The following NOL4 variants were observed in gnomAD, a reference collection of about 807,000 sequenced individuals.
NOL4 encodes nucleolar protein 4.
In NOL4, 17 loss-of-function variants were observed where a neutral mutation model predicts 75.9. The ratio of observed to expected loss-of-function variants is 0.22; its 90% confidence interval spans 0.15 to 0.34. The LOEUF (loss-of-function observed/expected upper bound fraction) is 0.34. Among genes scored for constraint, NOL4 ranks in the 10% least tolerant of loss-of-function variants. NOL4 has a pLI of 1.00. For synonymous variants in NOL4, 292 were observed against 289.9 expected (o/e 1.01, Z -0.07); for missense variants, 614 against 793.5 (o/e 0.77, Z 2.72).
chr18:34,154,258 T>G (rs533623306), intron 1 of NOL4, among the ~76,000 whole-genome samples: 6 of 152,094 alleles, frequency 3.9e-5, no homozygotes, highest in Admixed American at 6.6e-5. Context: ...GAAATATAAC[T>G]AAGACAAAAT....
chr18:34,025,342 A>G (rs116021502), intron 5 of NOL4, among the ~76,000 whole-genome samples: 1,772 of 152,248 alleles, frequency 0.012, 32 homozygotes, highest in African/African-American at 0.04. Context: ...CCTGGAAGAA[A>G]AGGCCTTTAC....
intron 9 of NOL4, among the ~76,000 whole-genome samples, chr18:33,936,711 C>T (rs149690089): frequency 2.6e-4 from 40 of 152,076 alleles, no homozygotes; most frequent in African/African-American, 7.0e-4. Flanking sequence ...TACAGAACTA[C>T]GAACTAATTT....
chr18:34,093,403 C>A, intron 5 of NOL4, 62 bp downstream of exon 5: 1 of 1,456,858 alleles, frequency 6.9e-7, no homozygotes, highest in Non-Finnish European at 9.2e-7. Flanking sequence ...TTGTTGTTTC[C>A]ATGCATTCTG....
intron 8 of NOL4, among the ~76,000 whole-genome samples, chr18:33,949,944 C>G (rs1173462738): frequency 9.2e-5 from 14 of 151,836 alleles, no homozygotes; most frequent in Admixed American, 9.2e-4. Flanking sequence ...AAATAACATG[C>G]TTTAATTTTA....
At chr18:33,979,997 G>T (rs1396017470) in intron 6 of NOL4, among the ~76,000 whole-genome samples, 1 of 152,020 alleles carries the variant, frequency 6.6e-6, no homozygotes, top group Admixed American at 6.6e-5. Flanking sequence ...CAAAACCAAT[G>T]TTTTTGGTGG....
At chr18:33,943,858 G>T (rs1159164467) in intron 8 of NOL4, among the ~76,000 whole-genome samples, 1 of 151,744 alleles carries the variant, frequency 6.6e-6, no homozygotes, top group Non-Finnish European at 1.5e-5. Context: ...CATCTTCTAT[G>T]TAGCCCACAT....
At chr18:34,168,824 G>T (rs765883920) in intron 1 of NOL4, among the ~76,000 whole-genome samples, 4 of 151,510 alleles carry the variant, frequency 2.6e-5, no homozygotes, top group African/African-American at 4.8e-5. Flanking sequence ...AATCAAGAGG[G>T]AAGGTGAATA....
chr18:33,914,918 A>C (rs1451713015), intron 9 of NOL4, among the ~76,000 whole-genome samples: 1 of 152,096 alleles, frequency 6.6e-6, no homozygotes, highest in African/African-American at 2.4e-5. Context: ...TGGGCATATC[A>C]ATTTGTGAGT....
At chr18:33,909,723 G>A (rs1043783717) in intron 9 of NOL4, among the ~76,000 whole-genome samples, 5 of 151,974 alleles carry the variant, frequency 3.3e-5, no homozygotes, top group Admixed American at 6.6e-5. Context: ...TAGGCTAGAC[G>A]GTCATCTGGG....
chr18:34,067,620 A>G (rs538596575), intron 5 of NOL4, among the ~76,000 whole-genome samples: 71 of 152,334 alleles, frequency 4.7e-4, no homozygotes, highest in African/African-American at 1.6e-3. Context: ...AGGAACAAAC[A>G]TAAGAGTCTT....
chr18:33,983,473 C>A (rs2072152044), intron 6 of NOL4, among the ~76,000 whole-genome samples: 1 of 150,528 alleles, frequency 6.6e-6, no homozygotes, highest in Admixed American at 6.6e-5. Context: ...GTGGTATAAA[C>A]ACACGCACAC....
At chr18:34,085,981 T>G (rs945699898) in intron 5 of NOL4, among the ~76,000 whole-genome samples, 2 of 152,162 alleles carry the variant, frequency 1.3e-5, no homozygotes, top group Non-Finnish European at 2.9e-5. Context: ...GTTTTCTTTA[T>G]ATTACTTATA....
chr18:33,900,949 T>G (rs1056991462), intron 9 of NOL4, among the ~76,000 whole-genome samples: 4 of 152,204 alleles, frequency 2.6e-5, no homozygotes, highest in Admixed American at 2.6e-4. Flanking sequence ...TTATTTGTTA[T>G]GTCTAGCATG....
intron 6 of NOL4, among the ~76,000 whole-genome samples, chr18:34,004,724 T>C (rs1483153786): frequency 6.6e-6 from 1 of 152,112 alleles, no homozygotes; most frequent in Non-Finnish European, 1.5e-5. Flanking sequence ...TTCATTTTTC[T>C]GGCTGGAAAC....
chr18:34,134,410 C>T (rs1013104159), intron 1 of NOL4, among the ~76,000 whole-genome samples: 13 of 148,228 alleles, frequency 8.8e-5, no homozygotes, highest in South Asian at 2.2e-4. Context: ...GACAAAACAA[C>T]GATCAACATA....
intron 5 of NOL4, among the ~76,000 whole-genome samples, chr18:34,030,818 C>A (rs2075602374): frequency 6.6e-6 from 1 of 151,486 alleles, no homozygotes; most frequent in South Asian, 2.1e-4. Flanking sequence ...CACTGTGTAC[C>A]CCGTAAATAA....
At chr18:34,170,046 C>T (rs2032863002) in intron 1 of NOL4, among the ~76,000 whole-genome samples, 1 of 152,146 alleles carries the variant, frequency 6.6e-6, no homozygotes, top group South Asian at 2.1e-4. Context: ...CAATCATAAG[C>T]ATATTTTTAG....
At chr18:33,968,839 C>A (rs905011906) in intron 6 of NOL4, among the ~76,000 whole-genome samples, 9 of 152,096 alleles carry the variant, frequency 5.9e-5, no homozygotes, top group Non-Finnish European at 1.0e-4. Flanking sequence ...TGACATTTTC[C>A]CATTTTTCTT....
intron 5 of NOL4, among the ~76,000 whole-genome samples, chr18:34,046,959 T>C (rs2076407567): frequency 6.6e-6 from 1 of 151,996 alleles, no homozygotes; most frequent in Non-Finnish European, 1.5e-5. Flanking sequence ...TTATGATCAT[T>C]CATTGAGAGG....
Sources: gnomAD v4.1 joint callset for allele counts (sites outside exome capture counted in the v4.1 genomes callset) on GRCh38, gnomAD v4.1.1 for gene constraint, MANE v1.5 for transcripts, NCBI Gene and HGNC (gene_info 2026-07-23, HGNC 2026-07-21) for gene names.